ATP5ME: variants seen among roughly 807,000 people sequenced by gnomAD.
ATP5ME encodes ATP synthase membrane subunit e, also known as ATP synthase F(0) complex subunit e, mitochondrial.
In ATP5ME, 10 loss-of-function variants were observed where a neutral mutation model predicts 11.6. The observed-to-expected ratio is 0.86, with a 90% CI of 0.53 to 1.46. ATP5ME has a LOEUF of 1.46. ATP5ME is among the 40% of genes most tolerant of loss of function. The pLI is 0.00. For missense variants in ATP5ME, 115 were observed against 85.4 expected (o/e 1.35, Z -1.37); for synonymous variants, 45 against 33.5 (o/e 1.34, Z -1.19).
chr4:673,280 A>T (rs772776063), intron 3 of ATP5ME, 23 bp downstream of exon 3: 1 of 1,614,050 alleles, frequency 6.2e-7, no homozygotes, highest in Non-Finnish European at 8.5e-7. Flanking sequence ...GGGACAATCT[A>T]TAAGAGCCAG....
chr4:673,716 C>T (rs1577321454), intron 2 of ATP5ME, 196 bp downstream of exon 2: 1 of 893,142 alleles, frequency 1.1e-6, no homozygotes, highest in East Asian at 2.6e-5. Flanking sequence ...GTTTTCGAGT[C>T]CCCCGCCCGG....
chr4:673,622 G>C (rs1295104358), intron 2 of ATP5ME: 29 of 815,332 alleles, frequency 3.6e-5, no homozygotes, highest in Non-Finnish European at 5.3e-5. Flanking sequence ...TGGCTCACTC[G>C]TCCTCTGCGA....
intron 2 of ATP5ME, 60 bp from the exon 3 acceptor site, chr4:673,461 G>A (rs1218044408): frequency 1.2e-6 from 2 of 1,611,778 alleles, no homozygotes; most frequent in Admixed American, 1.7e-5. Flanking sequence ...AAGGAACTGA[G>A]TCCACAGGTC....
intron 2 of ATP5ME, 68 bp from the exon 3 acceptor site, chr4:673,469 GTCAAGGTATCT>G: frequency 6.2e-7 from 1 of 1,609,906 alleles, no homozygotes. Flanking sequence ...GAGTCCACAG[GTCAAGGTATCT>G]TCAGCGACGC....
chr4:673,580 A>G, intron 2 of ATP5ME, 179 bp from the exon 3 acceptor site: 1 of 1,114,020 alleles, frequency 9.0e-7, no homozygotes, highest in Non-Finnish European at 1.3e-6. Context: ...CCCAGAGGCT[A>G]CAGGGCCCCT....
chr4:673,667 GA>G, intron 2 of ATP5ME: 1 of 757,480 alleles, frequency 1.3e-6, no homozygotes. Context: ...CTCAGCACTC[GA>G]ACAGCCATTT....
rs373609558 is a variant in ATP5ME at position 673,411 on chromosome 4, G to A, written c.92-10C>T. 4.3e-6 allele frequency: 7 copies of A among 1,614,064 alleles called. No individual in the cohort carries two copies. Among genetic ancestry groups the A allele is most frequent in the Middle Eastern group, 1.6e-4 (1 of 6,062 alleles). On this transcript the variant is annotated splice_polypyrimidine_tract_variant and intron_variant, in intron 2 of 3. Coordinates refer to ENST00000304312, the MANE Select transcript of ATP5ME (RefSeq NM_007100.4). ...CGAGGTTTTAGGTAATCTGTTTGGC[G>A]GAATGCAGGAGAATAAAATTCACTG...
rs1339207346 is a variant in ATP5ME, at chr4:672,494, G to A, written c.*6C>T. On this transcript the variant is annotated 3_prime_UTR_variant, in exon 4 of 4. Coordinates refer to ENST00000304312, the MANE Select transcript of ATP5ME (RefSeq NM_007100.4). ...TGCTGGTCCAAAGAGTGGGTCGCAG[G>A]GTCACTCACTTTAATATGCTGTCAT... 1.9e-6 allele frequency: 3 copies of A among 1,613,874 alleles called. No homozygotes were observed. The highest frequency in any genetic ancestry group is 2.5e-6 in the Non-Finnish European group (3 of 1,179,986).
intron 2 of ATP5ME, 95 bp downstream of exon 2, chr4:673,817 A>C: frequency 8.1e-6 from 12 of 1,477,214 alleles, no homozygotes; most frequent in Non-Finnish European, 9.2e-6. Flanking sequence ...CATGCGTCCC[A>C]AGCCCCCTTC....
chr4:673,725 G>A (rs906142290), intron 2 of ATP5ME, 187 bp downstream of exon 2: 4 of 937,292 alleles, frequency 4.3e-6, no homozygotes, highest in African/African-American at 3.3e-5. Flanking sequence ...TCCCCCGCCC[G>A]GGCCTCAGAA....
In ATP5ME at chr4:674,233, C is replaced by T. The variant is rs1474589971; in HGVS notation, c.15G>A (p.Val5=). MVPP[V]QVSPLIKLGR... is the part of the protein sequence containing the mutation. The stretch of plus-strand genomic sequence containing the variant: ...TCACCTTGATGAGCGGAGAGACCTG[C>T]ACCGGTGGCACCATCTTGTCCCTGA... The change falls in exon 1 of 4, where the codon GTG becomes GTA. Residue 5 remains valine, a synonymous_variant. Coordinates refer to ENST00000304312, the MANE Select transcript of ATP5ME (RefSeq NM_007100.4). 4 of 1,611,864 alleles carry T rather than the reference C, an allele frequency of 2.5e-6. No homozygotes were observed. Among genetic ancestry groups the T allele is most frequent in the Non-Finnish European group, 2.5e-6 (3 of 1,179,386 alleles).
At chr4:673,509 G>A in intron 2 of ATP5ME, 108 bp from the exon 3 acceptor site, 1 of 1,555,494 alleles carries the variant, frequency 6.4e-7, no homozygotes, top group South Asian at 1.1e-5. Flanking sequence ...AGACGCACCT[G>A]CTGTTCCCGC....
chr4:673,961 G>A lies in ATP5ME; in HGVS notation c.42C>T (p.Gly14=), dbSNP rs1232536753. ...PVQVSPLIKL[G]RYSALFLGVA... ...CACCGAGGAACAGGGCGGAGTAGCG[G>A]CCGAGCTGCGAAAGAGGTTGGTCAG... Residue 14 remains glycine (G), a synonymous_variant, in exon 2 of 4, where the codon GGC becomes GGT. Transcript: ENST00000304312. The A allele has an allele frequency of 5.2e-6, 8 of 1,545,100 alleles. No homozygotes were observed. The highest frequency in any genetic ancestry group is 1.4e-5 in the African/African-American group (1 of 72,986).
At chr4:674,170 GGGGCCCAGAGCACT>G (rs1216830000) in intron 1 of ATP5ME, 28 bp downstream of exon 1, 12 of 1,602,624 alleles carry the variant, frequency 7.5e-6, no homozygotes, top group Middle Eastern at 1.7e-4. Context: ...GGGACACGGG[GGGGCCCAGAGCACT>G]GGGCGGCGGC....
intron 3 of ATP5ME, among the ~76,000 whole-genome samples, 159 bp from the exon 4 acceptor site, chr4:672,678 G>A (rs976517764): frequency 1.2e-4 from 18 of 146,898 alleles, no homozygotes. Context: ...TGCAACCTCT[G>A]CATCCCAGGT....
intron 3 of ATP5ME, 140 bp downstream of exon 3, chr4:673,163 A>C (rs984787199): frequency 1.3e-5 from 18 of 1,367,542 alleles, no homozygotes; most frequent in Non-Finnish European, 1.8e-5. Context: ...GGATACAGGC[A>C]TGAGCCACCA....
chr4:673,714 G>T, intron 2 of ATP5ME, 198 bp downstream of exon 2: 1 of 880,198 alleles, frequency 1.1e-6, no homozygotes, highest in South Asian at 1.6e-5. Context: ...CCGTTTTCGA[G>T]TCCCCCGCCC....
In ATP5ME at chr4:673,381, C is replaced by G; in HGVS notation, c.112G>C (p.Glu38Gln). 1 of 1,614,194 alleles carries G rather than the reference C, an allele frequency of 6.2e-7. No individual in the cohort carries two copies. Among genetic ancestry groups the G allele is most frequent in the Non-Finnish European group, 8.5e-7 (1 of 1,180,014 alleles). The stretch of plus-strand genomic sequence containing the variant: ...TCTGCTGCTATCCTCCTCTCCTCTT[C>G]TGCCCGAGGTTTTAGGTAATCTGTT... ...TRYNYLKPRA[E>Q]EERRIAAEEK... The change falls in exon 3 of 4, where the codon GAA (glutamate) becomes CAA (glutamine). Residue 38 changes from glutamate (E) to glutamine (Q), a missense_variant. Coordinates refer to ENST00000304312, the MANE Select transcript of ATP5ME (RefSeq NM_007100.4).
At chr4:674,117 CG>C in intron 1 of ATP5ME, 94 bp downstream of exon 1, 2 of 311,594 alleles carry the variant, frequency 6.4e-6, no homozygotes, top group Non-Finnish European at 4.5e-6. Flanking sequence ...ATCATGGGGG[CG>C]GGGGCCGGGG....
Sources: gnomAD v4.1 joint callset for allele counts (sites outside exome capture counted in the v4.1 genomes callset) on GRCh38, gnomAD v4.1.1 for gene constraint, MANE v1.5 for transcripts, NCBI Gene and HGNC (gene_info 2026-07-23, HGNC 2026-07-21) for gene names.